AXDND1: variants seen among roughly 807,000 people sequenced by gnomAD.
AXDND1 encodes axonemal dynein light chain domain-containing protein 1.
A neutral mutation model predicts 137.5 loss-of-function variants in AXDND1; 110 were observed. That is an observed-to-expected ratio of 0.80 (90% CI 0.69 to 0.94). AXDND1 has a LOEUF of 0.94. Among genes scored for constraint, AXDND1 ranks in the 40% least tolerant of loss-of-function variants. The probability of loss-of-function intolerance (pLI) is 0.00; values close to 1 mark genes in which losing one functional copy is unlikely to be tolerated. For missense variants in AXDND1, 1,191 were observed against 1,169.8 expected (o/e 1.02, Z -0.26); for synonymous variants, 414 against 399.7 (o/e 1.04, Z -0.43).
chr1:179,531,717 G>A (rs996437162), intron 23 of AXDND1, among the ~76,000 whole-genome samples: 1 of 152,058 alleles, frequency 6.6e-6, no homozygotes, highest in Non-Finnish European at 1.5e-5. Flanking sequence ...GCCTGGAGTG[G>A]GATCTTCCCT....
intron 18 of AXDND1, among the ~76,000 whole-genome samples, chr1:179,484,207 A>T (rs1045450106): frequency 1.3e-5 from 2 of 152,186 alleles, no homozygotes; most frequent in Non-Finnish European, 2.9e-5. Context: ...CCCCACAGTC[A>T]CTTGAGCTGG....
chr1:179,371,147 G>T (rs1358124062), intron 4 of AXDND1, among the ~76,000 whole-genome samples: 1 of 152,112 alleles, frequency 6.6e-6, no homozygotes, highest in Non-Finnish European at 1.5e-5. Flanking sequence ...TTTAATGTTG[G>T]CCAGGTGCAG....
At chr1:179,536,069 G>A (rs561864615) in intron 25 of AXDND1, among the ~76,000 whole-genome samples, 1 of 152,280 alleles carries the variant, frequency 6.6e-6, no homozygotes, top group African/African-American at 2.4e-5. Flanking sequence ...TGATGGTGTT[G>A]TTTGCTTTTT....
intron 20 of AXDND1, among the ~76,000 whole-genome samples, chr1:179,507,647 G>T (rs1668658199): frequency 6.6e-6 from 1 of 152,106 alleles, no homozygotes; most frequent in Non-Finnish European, 1.5e-5. Context: ...TGCCTGGTGA[G>T]AGTGTTTTCA....
At chr1:179,421,355 CTTT>C (rs1453197309) in intron 12 of AXDND1, among the ~76,000 whole-genome samples, 1 of 119,804 alleles carries the variant, frequency 8.3e-6, no homozygotes, top group East Asian at 2.2e-4. Context: ...CCTTCCTTTT[CTTT>C]TTCTTTTCCT....
At chr1:179,545,301 A>T (rs1672541391) in intron 25 of AXDND1, 1 of 152,130 alleles carries the variant, frequency 6.6e-6, no homozygotes, top group African/African-American at 2.4e-5. Flanking sequence ...CTGTTCTTCT[A>T]GCCTCAGAAA....
At chr1:179,490,036 G>A (rs999997153) in intron 18 of AXDND1, among the ~76,000 whole-genome samples, 3 of 152,100 alleles carry the variant, frequency 2.0e-5, no homozygotes. Context: ...GAGCCACCGC[G>A]CCCGGCCTAG....
At chr1:179,530,990 C>G (rs539752222) in intron 23 of AXDND1, among the ~76,000 whole-genome samples, 81 of 152,266 alleles carry the variant, frequency 5.3e-4, no homozygotes, top group African/African-American at 1.9e-3. Flanking sequence ...AGTTACTACT[C>G]AAATCGATCT....
Position 179,468,646 on chromosome 1 carries a change from G to T in AXDND1, c.1997+5G>T. 1 of 1,579,108 alleles carries T rather than the reference G, an allele frequency of 6.3e-7. No homozygotes were observed. ...CATAGATGTGGATTCTGTTTCGTAA[G>T]TTCCCATAGGTTTCTTTTGTTCTGA... On this transcript the variant is annotated splice_donor_5th_base_variant and intron_variant, in intron 17 of 25. Coordinates refer to ENST00000367618, the MANE Select transcript of AXDND1 (RefSeq NM_144696.6).
chr1:179,549,987 C>G (rs1371395242), intron 25 of AXDND1, among the ~76,000 whole-genome samples: 1 of 152,050 alleles, frequency 6.6e-6, no homozygotes, highest in African/African-American at 2.4e-5. Context: ...GTTTCTGACA[C>G]CATACTCCTG....
At chr1:179,400,977 G>A (rs1651943514) in intron 11 of AXDND1, among the ~76,000 whole-genome samples, 2 of 149,882 alleles carry the variant, frequency 1.3e-5, no homozygotes, top group South Asian at 2.1e-4. Context: ...GAATGTGTAC[G>A]GCCAGGTGCG....
At chr1:179,513,117 G>A (rs775168949) in intron 21 of AXDND1, among the ~76,000 whole-genome samples, 3 of 152,164 alleles carry the variant, frequency 2.0e-5, no homozygotes, top group East Asian at 1.9e-4. Flanking sequence ...AGTGGTGAGA[G>A]TGGGTAGGTA....
chr1:179,514,804 ACC>A (rs1669377000), intron 21 of AXDND1, among the ~76,000 whole-genome samples: 3 of 152,152 alleles, frequency 2.0e-5, no homozygotes, highest in Admixed American at 2.0e-4. Flanking sequence ...CAAGGCCTTT[ACC>A]ATTATATAAT....
intron 16 of AXDND1, among the ~76,000 whole-genome samples, chr1:179,461,169 G>GTTT (rs1194371975): frequency 3.9e-5 from 6 of 152,166 alleles, no homozygotes; most frequent in Non-Finnish European, 8.8e-5. Flanking sequence ...TTCTTCTAGG[G>GTTT]TTTTTATGGT....
intron 6 of AXDND1, among the ~76,000 whole-genome samples, 161 bp downstream of exon 6, chr1:179,379,643 A>C (rs1647889735): frequency 6.6e-6 from 1 of 152,056 alleles, no homozygotes; most frequent in South Asian, 2.1e-4. Context: ...AAAATACAAA[A>C]ATATTAGCTG....
intron 21 of AXDND1, among the ~76,000 whole-genome samples, chr1:179,519,926 TGTCAATGGTAG>T (rs1316961031): frequency 6.6e-5 from 10 of 152,212 alleles, no homozygotes; most frequent in African/African-American, 2.2e-4. Flanking sequence ...CTGTGAAGAA[TGTCAATGGTAG>T]TTTGATAGGA....
intron 25 of AXDND1, chr1:179,550,872 T>C: frequency 2.4e-6 from 1 of 420,250 alleles, no homozygotes; most frequent in East Asian, 5.2e-5. Flanking sequence ...TGAACCAAGT[T>C]CCCAGAAGTC....
At chr1:179,412,679 A>G (rs2125228172) in intron 12 of AXDND1, among the ~76,000 whole-genome samples, 1 of 152,324 alleles carries the variant, frequency 6.6e-6, no homozygotes, top group East Asian at 1.9e-4. Context: ...GAGAGGAGAA[A>G]GGATTTCTGC....
intron 12 of AXDND1, among the ~76,000 whole-genome samples, chr1:179,411,485 C>T (rs984650319): frequency 3.9e-5 from 6 of 152,100 alleles, no homozygotes; most frequent in Non-Finnish European, 8.8e-5. Flanking sequence ...GCTGGGATTA[C>T]AGGCATGAGC....
Sources: gnomAD v4.1 joint callset for allele counts (sites outside exome capture counted in the v4.1 genomes callset) on GRCh38, gnomAD v4.1.1 for gene constraint, MANE v1.5 for transcripts, NCBI Gene and HGNC (gene_info 2026-07-23, HGNC 2026-07-21) for gene names.